Variants in NTM observed in about 807,000 individuals in gnomAD.
NTM encodes neurotrimin.
Under a neutral mutation model 42.1 loss-of-function variants are expected in NTM, and 13 were observed. The ratio of observed to expected loss-of-function variants is 0.31; its 90% CI spans 0.20 to 0.49. NTM has a LOEUF of 0.49. Ranked by LOEUF, NTM falls within the 20% of genes least tolerant of loss-of-function variation. The pLI, the probability that NTM is intolerant of heterozygous loss-of-function variation, is 0.99. For missense variants in NTM, 373 were observed against 452.8 expected, an observed-to-expected ratio of 0.82 and a Z score of 1.60; for synonymous variants, 187 against 179.2, an observed-to-expected ratio of 1.04 and a Z score of -0.35.
rs184011898 is a variant in NTM at position 132,261,996 on chromosome 11, T to C, written c.527-45693T>C. Among the ~76,000 whole-genome samples, 3 of 152,360 alleles carry C rather than the reference T, an allele frequency of 2.0e-5. No homozygotes were observed. The East Asian group carries it at 5.8e-4, about 29-fold the overall frequency. ...CTGGATAAAGAGCACTCCAAGTCTG[T>C]GGTCTTTCCTCAACTCTAAGCCCAT... is the stretch of plus-strand genomic sequence containing the variant. On this transcript the variant is annotated intron_variant, in intron 4 of 8. Coordinates refer to ENST00000683400, the MANE Select transcript of NTM (RefSeq NM_001352005.2).
chr11:131,754,063 A>G (rs2082954262), intron 1 of NTM, among the ~76,000 whole-genome samples: 1 of 145,340 alleles, frequency 6.9e-6, no homozygotes, highest in African/African-American at 2.5e-5. Flanking sequence ...GTTCTCACTC[A>G]TAGGTGGGAA....
Position 131,383,706 on chromosome 11 carries a change from G to A in NTM, c.82+12818G>A, listed in dbSNP as rs545414833. ...GTTTTCATTGAAGATTTTATACTGA[G>A]GGAAAAGGGTGCATTGAAGCGTTGT... On this transcript the variant is annotated intron_variant, in intron 1 of 8. Coordinates refer to ENST00000683400, the MANE Select transcript of NTM (RefSeq NM_001352005.2). 7.9e-5 allele frequency among the ~76,000 whole-genome samples: 12 copies of A among 152,282 alleles called. 1 individual carries two copies. The South Asian group carries it at 2.5e-3, about 32-fold the overall frequency.
intron 1 of NTM, among the ~76,000 whole-genome samples, chr11:131,657,758 A>G (rs1436055273): frequency 6.6e-6 from 1 of 152,212 alleles, no homozygotes; most frequent in Non-Finnish European, 1.5e-5. Flanking sequence ...CCACATTCAC[A>G]AAGGTCTGGA....
intron 1 of NTM, among the ~76,000 whole-genome samples, chr11:131,517,804 AC>A (rs2049091691): frequency 6.6e-6 from 1 of 151,992 alleles, no homozygotes; most frequent in African/African-American, 2.4e-5. Context: ...ACTCTTTTGA[AC>A]TTCCCTTGCT....
chr11:132,096,287 C>T (rs1295476289), intron 2 of NTM, among the ~76,000 whole-genome samples: 1 of 152,140 alleles, frequency 6.6e-6, no homozygotes, highest in Non-Finnish European at 1.5e-5. Flanking sequence ...GGGCATTGGT[C>T]TTGAAATGTC....
At chr11:132,314,222 G>GAATC (rs1161290893) in intron 6 of NTM, among the ~76,000 whole-genome samples, 4 of 152,172 alleles carry the variant, frequency 2.6e-5, no homozygotes, top group Admixed American at 6.5e-5. Flanking sequence ...CCTACTGTGT[G>GAATC]AATCGTATTG....
At chr11:131,396,603 G>T (rs1944586091) in intron 1 of NTM, among the ~76,000 whole-genome samples, 1 of 152,118 alleles carries the variant, frequency 6.6e-6, no homozygotes, top group Non-Finnish European at 1.5e-5. Flanking sequence ...CCGTGGCAGG[G>T]CAGGTGGATT....
intron 1 of NTM, among the ~76,000 whole-genome samples, chr11:131,872,995 C>G (rs2047956912): frequency 6.6e-6 from 1 of 152,204 alleles, no homozygotes; most frequent in Non-Finnish European, 1.5e-5. Flanking sequence ...TCCACATCCT[C>G]TCCAGCACCT....
intron 2 of NTM, among the ~76,000 whole-genome samples, chr11:131,966,255 TAA>T (rs2062821488): frequency 6.6e-6 from 1 of 152,032 alleles, no homozygotes; most frequent in Non-Finnish European, 1.5e-5. Flanking sequence ...CAGAATAAAC[TAA>T]GAGTTGCAGT....
At chr11:132,203,669 A>G (rs2081497809) in intron 3 of NTM, among the ~76,000 whole-genome samples, 1 of 152,190 alleles carries the variant, frequency 6.6e-6, no homozygotes, top group African/African-American at 2.4e-5. Context: ...AGGCGGGCAG[A>G]TCACGAGGTC....
chr11:131,451,023 G>C (rs759198102), intron 1 of NTM, among the ~76,000 whole-genome samples: 1 of 151,862 alleles, frequency 6.6e-6, no homozygotes. Flanking sequence ...ACAGTCTATA[G>C]ACATCAAAAT....
intron 1 of NTM, among the ~76,000 whole-genome samples, chr11:131,869,495 T>C (rs2047562488): frequency 6.6e-6 from 1 of 152,366 alleles, no homozygotes; most frequent in African/African-American, 2.4e-5. Flanking sequence ...TCCCGAGAAA[T>C]TGGCTCATCC....
intron 1 of NTM, among the ~76,000 whole-genome samples, chr11:131,896,679 CTTTTTTTTTTTT>C (rs71067345): frequency 9.9e-6 from 1 of 100,610 alleles, no homozygotes; most frequent in East Asian, 2.7e-4. Context: ...ACATTTTAGG[CTTTTTTTTTTTT>C]TTTTTTTTTT....
intron 1 of NTM, among the ~76,000 whole-genome samples, chr11:131,641,853 A>G (rs1050882031): frequency 6.6e-6 from 1 of 150,922 alleles, no homozygotes; most frequent in South Asian, 2.1e-4. Flanking sequence ...CAGCCTCCCC[A>G]GTAGCTGGGA....
intron 2 of NTM, among the ~76,000 whole-genome samples, chr11:131,994,362 A>C: frequency 6.6e-6 from 1 of 152,226 alleles, no homozygotes; most frequent in East Asian, 1.9e-4. Context: ...AAAGACAAGT[A>C]AAAAGATGAT....
chr11:131,779,888 T>C (rs1295691789), intron 1 of NTM, among the ~76,000 whole-genome samples: 2 of 152,078 alleles, frequency 1.3e-5, no homozygotes, highest in Non-Finnish European at 2.9e-5. Flanking sequence ...TAGGAAGACA[T>C]ACCTTAGAGA....
At chr11:132,040,638 C>T (rs1366522222) in intron 2 of NTM, among the ~76,000 whole-genome samples, 3 of 152,226 alleles carry the variant, frequency 2.0e-5, no homozygotes, top group Non-Finnish European at 4.4e-5. Flanking sequence ...CTTGTTCCCA[C>T]TCCCATCCCC....
At chr11:132,190,731 C>A (rs113971292) in intron 3 of NTM, among the ~76,000 whole-genome samples, 2,432 of 120,374 alleles carry the variant, frequency 0.02, 59 homozygotes, top group African/African-American at 0.073. Flanking sequence ...AGTGAGAATC[C>A]ATCTTAAAAA....
intron 1 of NTM, among the ~76,000 whole-genome samples, chr11:131,665,990 C>A (rs186832202): frequency 1.1e-4 from 17 of 152,334 alleles, no homozygotes; most frequent in East Asian, 9.6e-4. Context: ...GACTCAATTT[C>A]TCTTAATGGT....
Sources: gnomAD v4.1 joint callset for allele counts (sites outside exome capture counted in the v4.1 genomes callset) on GRCh38, gnomAD v4.1.1 for gene constraint, MANE v1.5 for transcripts, NCBI Gene and HGNC (gene_info 2026-07-23, HGNC 2026-07-21) for gene names.